DOCK6: variants seen among roughly 807,000 people sequenced by gnomAD.
DOCK6 encodes dedicator of cytokinesis 6.
A neutral mutation model predicts 230.3 loss-of-function variants in DOCK6; 167 were observed. The observed-to-expected ratio is 0.73, with a 90% confidence interval of 0.64 to 0.82. The LOEUF is 0.82. DOCK6 is among the 40% of genes least tolerant of loss of function. The pLI is 0.00. For missense variants in DOCK6, 2,598 were observed against 2,825.8 expected (o/e 0.92, Z 1.83); for synonymous variants, 1,148 against 1,185.0 (o/e 0.97, Z 0.64).
rs776102239 is a variant in DOCK6, at chr19:11,212,149, G to A, written c.4494C>T (p.Asn1498=). 10 of 1,607,590 alleles carry A rather than the reference G, an allele frequency of 6.2e-6. No individual in the cohort carries two copies. The highest frequency in any genetic ancestry group is 7.6e-6 in the Non-Finnish European group (9 of 1,179,014). Reference sequence around the variant, plus strand: ...TGACCTGCATCTTCACACGGGCAAAGTTCTGCAGGGACAGGGGCGGGAGGG... The same window carrying A: ...TGACCTGCATCTTCACACGGGCAAAATTCTGCAGGGACAGGGGCGGGAGGG... ...LMRQNFEIGH[N]FARVKMQVTM... Residue 1498 remains asparagine, a splice_region_variant and synonymous_variant, in exon 36 of 48, where the codon AAC becomes AAT. Transcript: ENST00000294618.
At chr19:11,217,470 C>T in intron 28 of DOCK6, 79 bp from the exon 29 acceptor site, 1 of 1,536,238 alleles carries the variant, frequency 6.5e-7, no homozygotes. Flanking sequence ...GAAGTCTTCC[C>T]TCATGGCCAG....
rs1199303880 is a variant in DOCK6 at position 11,243,389 on chromosome 19, G to A, written c.1259-4C>T. On this transcript the variant is annotated splice_polypyrimidine_tract_variant and splice_region_variant and intron_variant, in intron 11 of 47. Coordinates refer to ENST00000294618, the MANE Select transcript of DOCK6 (RefSeq NM_020812.4). The surrounding 1 kb of genome is among the most constrained non-coding windows in gnomAD (Gnocchi z 6.3). ...TCTGTCCAGGCTGGCCGGCGCTCTAGGGGAGGGAATGACAATGACAAAAGG... is the reference window on the plus strand; with the variant it reads ...TCTGTCCAGGCTGGCCGGCGCTCTAAGGGAGGGAATGACAATGACAAAAGG... 1 of 1,601,186 alleles carries A rather than the reference G, an allele frequency of 6.2e-7. No homozygotes were observed. The highest frequency in any genetic ancestry group is 1.3e-5 in the African/African-American group (1 of 74,704).
At chr19:11,210,652 A>G (rs530306309) in intron 37 of DOCK6, among the ~76,000 whole-genome samples, 40 of 129,460 alleles carry the variant, frequency 3.1e-4, no homozygotes, top group African/African-American at 1.2e-3. Context: ...TCACCTGTCC[A>G]TTCCTTCGCC....
At position 11,252,910 on chromosome 19, in the gene DOCK6, G is replaced by A. The variant is rs770405922; in HGVS notation, c.181C>T (p.Leu61=). Residue 61 remains leucine (L), a synonymous_variant, in exon 3 of 48, where the codon CTG becomes TTG. Coordinates refer to ENST00000294618, the MANE Select transcript of DOCK6 (RefSeq NM_020812.4). ...VEPLDFEDVL[L]SRPPDAEPGP... ...GGCTCAGCATCTGGTGGCCGGCTCA[G>A]AAGTACATCCTCAAAGTCCAGGGGC... is the stretch of plus-strand genomic sequence containing the variant. 10 of 1,613,066 alleles carry A rather than the reference G, an allele frequency of 6.2e-6. No homozygotes were observed. The highest frequency in any genetic ancestry group is 1.6e-4 in the Middle Eastern group (1 of 6,082).
chr19:11,216,792 A>G, intron 30 of DOCK6, 122 bp downstream of exon 30: 1 of 971,206 alleles, frequency 1.0e-6, no homozygotes, highest in South Asian at 1.4e-5. Flanking sequence ...CTTTCCTCTC[A>G]GTCCCACAGA....
chr19:11,236,088 C>T lies in DOCK6; in HGVS notation c.2392+258G>A. 7.5e-6 allele frequency: 4 copies of T among 535,888 alleles called. No individual in the cohort carries two copies. Among genetic ancestry groups the T allele is most frequent in the South Asian group, 2.7e-5 (1 of 37,394 alleles). The allele number at this position is 535,888 out of a possible 1,614,324, so 33.2% of individuals were successfully genotyped here. A position where few individuals can be genotyped will look rare whatever the true frequency, so the allele number is the denominator to read the frequency against. ...AGAGAAGGGGTTTCTCCATGTTGGT[C>T]AGGCTGGTCTCAAACTCTCGACCTC... On this transcript the variant is annotated intron_variant, in intron 20 of 47. Coordinates refer to ENST00000294618, the MANE Select transcript of DOCK6 (RefSeq NM_020812.4). The surrounding 1 kb of genome is among the most constrained non-coding windows in gnomAD (Gnocchi z 5.2).
Position 11,199,304 on chromosome 19 carries a change from A to G in DOCK6, c.*193T>C. ...CACCACATGGCACAGGTTGCTTATAAAAACCATTTTAAATTAAAAAAGGGA... is the reference window on the plus strand; with the variant it reads ...CACCACATGGCACAGGTTGCTTATAGAAACCATTTTAAATTAAAAAAGGGA... On this transcript the variant is annotated 3_prime_UTR_variant, in exon 48 of 48. Coordinates refer to ENST00000294618, the MANE Select transcript of DOCK6 (RefSeq NM_020812.4). The G allele has an allele frequency of 1.4e-6, 1 of 695,982 alleles. No individual in the cohort carries two copies. The highest frequency in any genetic ancestry group is 1.9e-5 in the South Asian group (1 of 52,682). 43.1% of individuals were successfully genotyped at this position (695,982 alleles called of 1,614,324 possible). A position where few individuals can be genotyped will look rare whatever the true frequency, so the allele number is the denominator to read the frequency against.
At chr19:11,231,004 G>C (rs12463177) in intron 22 of DOCK6, among the ~76,000 whole-genome samples, 22,160 of 152,106 alleles carry the variant, frequency 0.15, 1,756 homozygotes, top group East Asian at 0.25. Flanking sequence ...ACTGTGCACC[G>C]TGAGGGCCTT....
chr19:11,242,150 G>C lies in DOCK6; in HGVS notation c.1538C>G (p.Pro513Arg). 1.4e-6 allele frequency: 2 copies of C among 1,477,160 alleles called. No homozygotes were observed. The highest frequency in any genetic ancestry group is 1.8e-6 in the Non-Finnish European group (2 of 1,115,798). The allele number at this position is 1,477,160 out of a possible 1,614,324, so 91.5% of individuals were successfully genotyped here. A position where few individuals can be genotyped will look rare whatever the true frequency, so the allele number is the denominator to read the frequency against. The change falls in exon 14 of 48, where the codon CCT (proline) becomes CGT (arginine). Residue 513 changes from proline (P) to arginine (R), a missense_variant. Pro to Arg is a moderately radical substitution (Grantham distance 103). Coordinates refer to ENST00000294618, the MANE Select transcript of DOCK6 (RefSeq NM_020812.4). ...APENPHFCLS[P>R]ELLHIKPYPD... ...GTAGGGCTTGATATGAAGCAGCTCA[G>C]GGGAGAGGCAGAAGTGGGGATTTTC...
Position 11,222,900 on chromosome 19 carries a change from G to A in DOCK6, c.3075C>T (p.Ala1025=), listed in dbSNP as rs1193299775. The change falls in exon 26 of 48, where the codon GCC becomes GCT. Residue 1025 remains alanine (A), a synonymous_variant. Coordinates refer to ENST00000294618, the MANE Select transcript of DOCK6 (RefSeq NM_020812.4). This position sits in a 1 kb window ranked among gnomAD's most constrained non-coding sequence, Gnocchi z 4.0. ...GATTAGGGGACGACTGGAGCCGCGT[G>A]GCCACCTGCAGGAGAGGGGTGGCCA... is the stretch of plus-strand genomic sequence containing the variant. The part of the protein sequence containing the change: ...SLVRAHYKQV[A]TRLQSSPNPA... 1 of 1,610,082 alleles carries A rather than the reference G, an allele frequency of 6.2e-7. No homozygotes were observed. Among genetic ancestry groups the A allele is most frequent in the Non-Finnish European group, 8.5e-7 (1 of 1,178,470 alleles).
rs1230176814 is a variant in DOCK6, at chr19:11,252,517, C to A, written c.342G>T (p.Glu114Asp). The change falls in exon 4 of 48, where the codon GAG (glutamate) becomes GAT (aspartate). Residue 114 changes from glutamate to aspartate, a missense_variant. Glu to Asp is a conservative substitution (Grantham distance 45, BLOSUM62 2). Coordinates refer to ENST00000294618, the MANE Select transcript of DOCK6 (RefSeq NM_020812.4). ...KLDAQVRAAVEMYIEDWVIVH... is the reference protein window; with the variant it reads ...KLDAQVRAAVDMYIEDWVIVH... Reference sequence around the variant, plus strand: ...CAATGACCCAGTCCTCAATATACATCTCCACCGCGGCCCTCACCTGGGCAT... The same window carrying A: ...CAATGACCCAGTCCTCAATATACATATCCACCGCGGCCCTCACCTGGGCAT... The A allele has an allele frequency of 6.2e-7, 1 of 1,613,898 alleles. No homozygotes were observed. Among genetic ancestry groups the A allele is most frequent in the South Asian group, 1.1e-5 (1 of 91,076 alleles).
chr19:11,248,416 A>G (rs1169421555), intron 6 of DOCK6, among the ~76,000 whole-genome samples: 1 of 145,860 alleles, frequency 6.9e-6, no homozygotes. Context: ...ATAGAAGCTT[A>G]TTTTTTTTTT....
At chr19:11,255,213 C>T (rs989295881) in intron 1 of DOCK6, among the ~76,000 whole-genome samples, 11 of 152,124 alleles carry the variant, frequency 7.2e-5, no homozygotes, top group Admixed American at 3.3e-4. Context: ...CAATGTTGGC[C>T]AGGCTGGTCT....
intron 1 of DOCK6, among the ~76,000 whole-genome samples, chr19:11,257,458 C>G (rs1206518083): frequency 3.2e-5 from 4 of 126,960 alleles, no homozygotes; most frequent in Non-Finnish European, 6.3e-5. Flanking sequence ...GCACTCCAGC[C>G]TGGGCTACAG....
chr19:11,241,861 G>T, intron 14 of DOCK6, 184 bp downstream of exon 14: 1 of 1,292,102 alleles, frequency 7.7e-7, no homozygotes, highest in Non-Finnish European at 1.1e-6. Context: ...AGAGGATGTA[G>T]CCCCATTGGG....
Position 11,253,744 on chromosome 19 carries a change from G to A in DOCK6, c.45-18C>T, listed in dbSNP as rs762353448. On this transcript the variant is annotated intron_variant, in intron 1 of 47. Coordinates refer to ENST00000294618, the MANE Select transcript of DOCK6 (RefSeq NM_020812.4). ...CCACCGTCCTGGAAAGATAGGGAGG[G>A]GGCCATTGGGGACGGGAAAACTCAG... 1.4e-6 allele frequency: 2 copies of A among 1,458,036 alleles called. No homozygotes were observed. The highest frequency in any genetic ancestry group is 1.8e-6 in the Non-Finnish European group (2 of 1,105,556). The allele number at this position is 1,458,036 out of a possible 1,614,324, so 90.3% of individuals were successfully genotyped here.
intron 28 of DOCK6, among the ~76,000 whole-genome samples, chr19:11,218,619 T>C (rs1300752584): frequency 6.6e-6 from 1 of 151,826 alleles, no homozygotes; most frequent in Non-Finnish European, 1.5e-5. Flanking sequence ...AGCTAATTTT[T>C]GTAGTTTTTG....
intron 34 of DOCK6, 88 bp from the exon 35 acceptor site, chr19:11,213,416 AG>A: frequency 2.6e-6 from 4 of 1,519,334 alleles, no homozygotes; most frequent in Non-Finnish European, 2.7e-6. Context: ...CTGCTTGGGC[AG>A]GGGTTTGTGT....
chr19:11,214,012 G>A (rs1422932204), intron 34 of DOCK6, among the ~76,000 whole-genome samples: 2 of 151,880 alleles, frequency 1.3e-5, no homozygotes, highest in Non-Finnish European at 2.9e-5. Context: ...CGAACTCCTA[G>A]GCTCACATGA....
Sources: allele counts gnomAD v4.1 joint callset (sites outside exome capture counted in the v4.1 genomes callset), GRCh38; gene constraint gnomAD v4.1.1; non-coding constraint Gnocchi (gnomAD v3.1); transcripts MANE v1.5; gene names NCBI Gene and HGNC (gene_info 2026-07-23, HGNC 2026-07-21).